The following ADAMTSL1 variants were observed in gnomAD, a reference collection of about 807,000 sequenced individuals.
ADAMTSL1 encodes ADAMTS-like protein 1.
In ADAMTSL1, 126 loss-of-function variants were observed where a neutral mutation model predicts 201.8. The observed-to-expected ratio is 0.62, with a 90% CI of 0.54 to 0.72. ADAMTSL1 has a LOEUF of 0.72. Among genes scored for constraint, ADAMTSL1 ranks in the 30% least tolerant of loss-of-function variants. The pLI, the probability that ADAMTSL1 is intolerant of heterozygous loss-of-function variation, is 0.00. For synonymous variants in ADAMTSL1, 1,121 were observed against 903.4 expected, an observed-to-expected ratio of 1.24 and a Z score of -4.32; for missense variants, 2,679 against 2,277.8, an observed-to-expected ratio of 1.18 and a Z score of -3.59.
At chr9:18,048,365 T>C (rs2131657707) in intron 1 of ADAMTSL1, among the ~76,000 whole-genome samples, 1 of 152,308 alleles carries the variant, frequency 6.6e-6, no homozygotes, top group South Asian at 2.1e-4. Context: ...CAGTTGGTTT[T>C]ATGCACATTG....
At chr9:18,842,701 T>G (rs2131326948) in intron 23 of ADAMTSL1, among the ~76,000 whole-genome samples, 1 of 152,330 alleles carries the variant, frequency 6.6e-6, no homozygotes, top group Middle Eastern at 3.4e-3. Flanking sequence ...AGGACTTGCT[T>G]TATGAATCTG....
intron 7 of ADAMTSL1, among the ~76,000 whole-genome samples, chr9:18,650,272 C>G (rs973396534): frequency 1.3e-5 from 2 of 152,172 alleles, no homozygotes; most frequent in Non-Finnish European, 2.9e-5. Flanking sequence ...GGGAGTGACC[C>G]GATTTTCCAG....
intron 23 of ADAMTSL1, among the ~76,000 whole-genome samples, chr9:18,837,136 TATTCTTTTAGGGCTC>T (rs1825360071): frequency 6.6e-6 from 1 of 152,340 alleles, no homozygotes; most frequent in African/African-American, 2.4e-5. Flanking sequence ...ACTTTCCATT[TATTCTTTTAGGGCTC>T]ATTCTTTTAG....
At chr9:18,218,500 A>C (rs1191260681) in intron 2 of ADAMTSL1, among the ~76,000 whole-genome samples, 1 of 152,216 alleles carries the variant, frequency 6.6e-6, no homozygotes, top group Non-Finnish European at 1.5e-5. Context: ...ACAAAAAGTA[A>C]ACTGATAAAG....
chr9:17,910,548 G>A (rs552118477), intron 1 of ADAMTSL1, among the ~76,000 whole-genome samples: 1 of 68,916 alleles, frequency 1.5e-5, no homozygotes, highest in African/African-American at 2.9e-5. Context: ...TCTTGTGTGT[G>A]TGTTGCAAGT....
At chr9:18,318,756 C>G (rs9298791) in intron 2 of ADAMTSL1, among the ~76,000 whole-genome samples, 47,448 of 151,752 alleles carry the variant, frequency 0.31, 8,383 homozygotes, top group Admixed American at 0.5. Flanking sequence ...TTAGGCCATA[C>G]TTTTGGCAGT....
chr9:18,022,221 C>A (rs555824645), intron 1 of ADAMTSL1, among the ~76,000 whole-genome samples: 1 of 152,124 alleles, frequency 6.6e-6, no homozygotes, highest in African/African-American at 2.4e-5. Flanking sequence ...AGGAAAGAAT[C>A]TGAAATCGAA....
rs576211083 is a variant in ADAMTSL1, at chr9:18,294,138, G to A, written c.207+130157G>A. On this transcript the variant is annotated intron_variant, in intron 2 of 29. Transcript: ENST00000680146. ...ATGAACCAATATGAATGAAATACCT[G>A]TAATTGCCAACCTAAAATTTCACGC... Among the ~76,000 whole-genome samples the A allele has an allele frequency of 5.3e-4, 81 of 152,234 alleles. 1 individual carries two copies. The South Asian group carries it at 0.016, about 29-fold the overall frequency.
In ADAMTSL1 at chr9:17,992,811, A is replaced by G. The variant is rs762269796; in HGVS notation, c.87+85889A>G. Among the ~76,000 whole-genome samples, 3 of 152,350 alleles carry G rather than the reference A, an allele frequency of 2.0e-5. No homozygotes were observed. In the East Asian group the frequency reaches 5.8e-4, roughly 29 times the overall value. ...TACGAGAAGAAAACTGAGAGGTCAT[A>G]CAACTAGAGAGTAAGGCAAGATTCA... is the stretch of plus-strand genomic sequence containing the variant. On this transcript the variant is annotated intron_variant, in intron 1 of 29. Transcript: ENST00000680146.
At chr9:18,284,508 T>C (rs574096794) in intron 2 of ADAMTSL1, among the ~76,000 whole-genome samples, 17 of 152,312 alleles carry the variant, frequency 1.1e-4, no homozygotes, top group South Asian at 6.2e-4. Context: ...TTTAATGAAA[T>C]GTCTGCACTA....
At chr9:18,124,207 C>T (rs577965028) in intron 1 of ADAMTSL1, among the ~76,000 whole-genome samples, 133 of 151,072 alleles carry the variant, frequency 8.8e-4, no homozygotes, top group African/African-American at 2.9e-3. Context: ...CTCAGCCTCC[C>T]GAGTAGCTGG....
intron 2 of ADAMTSL1, among the ~76,000 whole-genome samples, chr9:18,293,175 C>T (rs578228944): frequency 3.9e-5 from 6 of 152,280 alleles, no homozygotes; most frequent in African/African-American, 1.4e-4. Flanking sequence ...CTGATGGGCA[C>T]CTAGGTTGAT....
intron 3 of ADAMTSL1, among the ~76,000 whole-genome samples, chr9:18,573,642 C>A (rs1293914297): frequency 6.6e-6 from 1 of 152,080 alleles, no homozygotes; most frequent in Non-Finnish European, 1.5e-5. Flanking sequence ...CTGAAAGAGA[C>A]AAATAATTTC....
At position 18,706,853 on chromosome 9, in the gene ADAMTSL1, G is replaced by A. The variant is rs545352506; in HGVS notation, c.1681G>A (p.Asp561Asn). ...CCTGTCTTTCTCTCAGTCCGTGGCTGACCTGCCTATTGACGAGTGTGAAGG... is the reference window on the plus strand; with the variant it reads ...CCTGTCTTTCTCTCAGTCCGTGGCTAACCTGCCTATTGACGAGTGTGAAGG... ...VLLSFSQSVA[D>N]LPIDECEGPK... is the part of the protein sequence containing the mutation. The change falls in exon 14 of 29, where the codon GAC becomes AAC. Residue 561 changes from aspartate (D) to asparagine (N), a missense_variant. By Grantham distance (23) the Asp-to-Asn change is conservative. Coordinates refer to ENST00000380548, the MANE Select transcript of ADAMTSL1 (RefSeq NM_001040272.6). The A allele has an allele frequency of 6.2e-7, 1 of 1,613,376 alleles. No individual in the cohort carries two copies. Among genetic ancestry groups the A allele is most frequent in the East Asian group, 2.2e-5 (1 of 44,848 alleles).
intron 1 of ADAMTSL1, among the ~76,000 whole-genome samples, chr9:18,071,655 C>T (rs921548227): frequency 3.3e-5 from 5 of 152,146 alleles, no homozygotes; most frequent in Non-Finnish European, 7.3e-5. Context: ...CCTAGCAGAG[C>T]CCAAGTGAAG....
intron 1 of ADAMTSL1, among the ~76,000 whole-genome samples, chr9:18,034,584 T>C (rs921016446): frequency 6.6e-6 from 1 of 152,186 alleles, no homozygotes; most frequent in East Asian, 1.9e-4. Flanking sequence ...CTACCATTCA[T>C]TTAGTGAACT....
chr9:18,304,743 C>T (rs1247576472), intron 2 of ADAMTSL1, among the ~76,000 whole-genome samples: 1 of 151,740 alleles, frequency 6.6e-6, no homozygotes, highest in Non-Finnish European at 1.5e-5. Flanking sequence ...ATCTTTGTTA[C>T]TTGTATGGAG....
intron 2 of ADAMTSL1, among the ~76,000 whole-genome samples, chr9:18,285,346 A>G (rs1234506330): frequency 6.6e-6 from 1 of 152,140 alleles, no homozygotes; most frequent in South Asian, 2.1e-4. Context: ...TCTGAAATAC[A>G]TACCCCATTG....
At chr9:18,105,037 T>A (rs1483836474) in intron 1 of ADAMTSL1, among the ~76,000 whole-genome samples, 1 of 151,850 alleles carries the variant, frequency 6.6e-6, no homozygotes, top group Non-Finnish European at 1.5e-5. Flanking sequence ...AAAAAAAAAA[T>A]AGCCTCTAAA....
Sources: allele counts gnomAD v4.1 joint callset (sites outside exome capture counted in the v4.1 genomes callset), GRCh38; gene constraint gnomAD v4.1.1; transcripts MANE v1.5; gene names NCBI Gene and HGNC (gene_info 2026-07-23, HGNC 2026-07-21).